PPA2: variants seen among roughly 807,000 people sequenced by gnomAD.
PPA2 encodes inorganic pyrophosphatase 2, mitochondrial.
PPA2 carries 48 observed loss-of-function variants against 49.5 expected under a neutral mutation model. That is an observed-to-expected ratio of 0.97 (90% confidence interval 0.77 to 1.23). The LOEUF is 1.23. Ranked by LOEUF, PPA2 falls within the 50% of genes most tolerant of loss-of-function variation. The pLI, the probability that PPA2 is intolerant of heterozygous loss-of-function variation, is 0.00. For missense variants in PPA2, 429 were observed against 410.1 expected, an observed-to-expected ratio of 1.05 and a Z score of -0.40; for synonymous variants, 131 against 139.9, an observed-to-expected ratio of 0.94 and a Z score of 0.45.
At chr4:105,414,620 T>C (rs1722920703) in intron 7 of PPA2, among the ~76,000 whole-genome samples, 1 of 152,180 alleles carries the variant, frequency 6.6e-6, no homozygotes, top group Non-Finnish European at 1.5e-5. Context: ...CACCAAGAAG[T>C]GCAGAGCCCC....
At chr4:105,433,484 A>G (rs543039366) in intron 6 of PPA2, among the ~76,000 whole-genome samples, 89 of 152,336 alleles carry the variant, frequency 5.8e-4, no homozygotes, top group Non-Finnish European at 1.1e-3. Context: ...AGATGAGCAG[A>G]TTTATATGGG....
intron 1 of PPA2, among the ~76,000 whole-genome samples, chr4:105,461,463 A>G (rs764551981): frequency 2.6e-5 from 4 of 152,190 alleles, no homozygotes; most frequent in Non-Finnish European, 5.9e-5. Context: ...CAGCAGTCAG[A>G]CTTTCGGTTG....
chr4:105,446,115 C>G (rs1722369798), intron 5 of PPA2: 1 of 275,534 alleles, frequency 3.6e-6, no homozygotes. Context: ...ACTTAATAGG[C>G]AAGACCAGAA....
intron 7 of PPA2, among the ~76,000 whole-genome samples, chr4:105,421,392 T>C (rs965069251): frequency 6.6e-6 from 1 of 152,204 alleles, no homozygotes; most frequent in Non-Finnish European, 1.5e-5. Flanking sequence ...ACTTTCATTT[T>C]ATGTACTTTT....
chr4:105,417,861 G>A (rs559293036), intron 7 of PPA2, among the ~76,000 whole-genome samples: 2 of 152,168 alleles, frequency 1.3e-5, no homozygotes, highest in South Asian at 4.2e-4. Context: ...TGACTAACCC[G>A]GCATTTTTCA....
At chr4:105,407,747 TA>T (rs1223509540) in intron 7 of PPA2, among the ~76,000 whole-genome samples, 1 of 152,206 alleles carries the variant, frequency 6.6e-6, no homozygotes, top group Non-Finnish European at 1.5e-5. Flanking sequence ...GCCATGTGAA[TA>T]ATCACTGATG....
intron 7 of PPA2, chr4:105,423,431 GAAT>G (rs1432937494): frequency 2.0e-5 from 3 of 152,124 alleles, no homozygotes; most frequent in African/African-American, 4.8e-5. Flanking sequence ...ATTGGTCAAA[GAAT>G]AATAATAGTT....
intron 6 of PPA2, among the ~76,000 whole-genome samples, chr4:105,425,332 A>G (rs1654372572): frequency 6.6e-6 from 1 of 152,222 alleles, no homozygotes; most frequent in Non-Finnish European, 1.5e-5. Context: ...ATGCTCAAAG[A>G]TTTAAAGAAA....
intron 1 of PPA2, among the ~76,000 whole-genome samples, chr4:105,472,125 G>T (rs1045995846): frequency 6.6e-6 from 1 of 152,172 alleles, no homozygotes; most frequent in Admixed American, 6.5e-5. Flanking sequence ...CCAGTGCTGA[G>T]AAGGACCTTG....
intron 3 of PPA2, among the ~76,000 whole-genome samples, chr4:105,453,178 A>G (rs1722738277): frequency 6.6e-6 from 1 of 152,194 alleles, no homozygotes. Context: ...TGAAGTGGAA[A>G]TGAAATACCT....
intron 1 of PPA2, among the ~76,000 whole-genome samples, chr4:105,460,427 T>C (rs1394861293): frequency 2.0e-5 from 3 of 152,186 alleles, no homozygotes; most frequent in Non-Finnish European, 4.4e-5. Context: ...CTGCAAATTT[T>C]GGTATCCAAG....
At chr4:105,402,456 A>G (rs1210934160) in intron 7 of PPA2, among the ~76,000 whole-genome samples, 1 of 152,202 alleles carries the variant, frequency 6.6e-6, no homozygotes, top group Non-Finnish European at 1.5e-5. Flanking sequence ...TCATTCAGGT[A>G]TCTGAAAGGA....
Position 105,424,211 on chromosome 4 carries a change from C to G in PPA2, c.640G>C (p.Ala214Pro). ...ACAGTCTTACCATGAAACTTTGAGG[C>G]TTCAGGATCATTCGCATTGATAGCA... is the stretch of plus-strand genomic sequence containing the variant. ...LIAINANDPEASKFHDIDDVK... is the reference protein window; with the variant it reads ...LIAINANDPEPSKFHDIDDVK... Residue 214 changes from alanine (A) to proline (P), a missense_variant, in exon 7 of 12, where the codon GCC becomes CCC. Coordinates refer to ENST00000341695, the MANE Select transcript of PPA2 (RefSeq NM_176869.3). 4.4e-6 allele frequency: 7 copies of G among 1,605,196 alleles called. No homozygotes were observed. The highest frequency in any genetic ancestry group is 5.9e-6 in the Non-Finnish European group (7 of 1,178,060).
intron 7 of PPA2, among the ~76,000 whole-genome samples, chr4:105,407,639 G>C (rs1286156815): frequency 6.6e-6 from 1 of 152,130 alleles, no homozygotes; most frequent in South Asian, 2.1e-4. Context: ...AAAAATGGAA[G>C]ACCGTTCAAT....
intron 9 of PPA2, among the ~76,000 whole-genome samples, chr4:105,391,184 G>C (rs550603854): frequency 4.6e-5 from 7 of 152,042 alleles, no homozygotes; most frequent in African/African-American, 1.7e-4. Flanking sequence ...GGGGCCTGCT[G>C]GTGGGGGGAG....
intron 10 of PPA2, among the ~76,000 whole-genome samples, chr4:105,372,532 G>T (rs1485746975): frequency 2.0e-5 from 3 of 152,194 alleles, no homozygotes; most frequent in Non-Finnish European, 2.9e-5. Flanking sequence ...GAATAATGCA[G>T]ATTACCCTCC....
chr4:105,454,311 T>C (rs1046722301), intron 2 of PPA2, among the ~76,000 whole-genome samples: 47 of 134,684 alleles, frequency 3.5e-4, no homozygotes, highest in African/African-American at 9.4e-4. Context: ...GCTGTTGTTG[T>C]TGTTGTTGTT....
intron 1 of PPA2, among the ~76,000 whole-genome samples, chr4:105,462,166 G>C (rs1723119002): frequency 6.6e-6 from 1 of 151,980 alleles, no homozygotes; most frequent in Non-Finnish European, 1.5e-5. Flanking sequence ...GGCAACACAT[G>C]CCGTTATTTT....
chr4:105,461,541 T>C (rs1024224707), intron 1 of PPA2, among the ~76,000 whole-genome samples: 6 of 152,138 alleles, frequency 3.9e-5, no homozygotes, highest in Middle Eastern at 3.2e-3. Flanking sequence ...GAAAACTTAA[T>C]GGCAGTTAGT....
Sources: gnomAD v4.1 joint callset for allele counts (sites outside exome capture counted in the v4.1 genomes callset) on GRCh38, gnomAD v4.1.1 for gene constraint, MANE v1.5 for transcripts, NCBI Gene and HGNC (gene_info 2026-07-23, HGNC 2026-07-21) for gene names.